SCN2A: variants seen among roughly 807,000 people sequenced by gnomAD.
SCN2A encodes the protein sodium channel protein type 2 subunit alpha.
A neutral mutation model predicts 188.7 loss-of-function variants in SCN2A; 20 were observed. That is an observed-to-expected ratio of 0.11 (90% CI 0.07 to 0.15). SCN2A has a LOEUF of 0.15. SCN2A is among the 10% of genes least tolerant of loss of function. SCN2A has a pLI of 1.00. For missense variants in SCN2A, 1,278 were observed against 2,445.0 expected (o/e 0.52, Z 10.07); for synonymous variants, 804 against 833.1 (o/e 0.97, Z 0.60).
intron 14 of SCN2A, among the ~76,000 whole-genome samples, chr2:165,334,251 A>C (rs1698855320): frequency 6.6e-6 from 1 of 151,762 alleles, no homozygotes; most frequent in African/African-American, 2.4e-5. Flanking sequence ...AGAGAAGGGA[A>C]TACTTCTCAC....
chr2:165,310,591 T>C lies in SCN2A; in HGVS notation c.966T>C (p.Asp322=), dbSNP rs748526712. The C allele has an allele frequency of 9.9e-6, 16 of 1,608,540 alleles. No homozygotes were observed. The South Asian group carries it at 1.8e-4, about 18-fold the overall frequency. The change falls in exon 7 of 27, where the codon GAT becomes GAC. Residue 322 remains aspartate (D), a synonymous_variant. Transcript: ENST00000375437. Reference sequence around the variant, plus strand: ...TTAACTGGGATGAATATATTGAGGATAAAAGTAAGATATACTCTATAAACC... The same window carrying C: ...TTAACTGGGATGAATATATTGAGGACAAAAGTAAGATATACTCTATAAACC... ...SIFNWDEYIE[D]KSHFYFLEGQ...
intron 1 of SCN2A, chr2:165,285,803 GGGCA>G (rs1301473176): frequency 6.1e-6 from 1 of 163,866 alleles, no homozygotes; most frequent in Non-Finnish European, 1.3e-5. Flanking sequence ...ATCCTGGTGT[GGGCA>G]GTAGGAGTGC....
In SCN2A at chr2:165,388,927, G is replaced by T; in HGVS notation, c.5121G>T (p.Leu1707=). The T allele has an allele frequency of 6.2e-7, 1 of 1,614,108 alleles. No homozygotes were observed. The stretch of plus-strand genomic sequence containing the variant: ...CCTTTGGCAACAGCATGATCTGCCT[G>T]TTCCAAATTACAACCTCTGCTGGCT... ...FETFGNSMIC[L]FQITTSAGWD... Residue 1707 remains leucine (L), a synonymous_variant, in exon 27 of 27, where the codon CTG becomes CTT. Transcript: ENST00000375437.
chr2:165,351,871 G>GTT (rs3030633), intron 16 of SCN2A, among the ~76,000 whole-genome samples: 28,390 of 135,694 alleles, frequency 0.21, 3,461 homozygotes, highest in East Asian at 0.34. Context: ...AGCTGTGCTT[G>GTT]TTTTTTTTTT....
chr2:165,262,149 CATGTGCAGA>C lies in SCN2A; in HGVS notation c.-52+22518_-52+22526del, dbSNP rs550777618. Reference sequence around the variant, plus strand: ...CACTTTTATTTTAAGTGAAGGGGCACATGTGCAGAATGTGCAGGTTTGTTACACAGGTAA... The same window carrying C: ...CACTTTTATTTTAAGTGAAGGGGCACATGTGCAGGTTTGTTACACAGGTAA... On this transcript the variant is annotated intron_variant, in intron 1 of 26. Coordinates refer to ENST00000375437, the MANE Select transcript of SCN2A (RefSeq NM_001040142.2). Among the ~76,000 whole-genome samples the C allele has an allele frequency of 1.2e-4, 18 of 151,934 alleles. No individual in the cohort carries two copies. The East Asian group carries it at 3.5e-3, about 29-fold the overall frequency.
At chr2:165,343,613 A>G (rs1699425142) in intron 15 of SCN2A, among the ~76,000 whole-genome samples, 1 of 152,182 alleles carries the variant, frequency 6.6e-6, no homozygotes, top group Non-Finnish European at 1.5e-5. Flanking sequence ...CTTTGATGCC[A>G]TTAAATAATG....
At chr2:165,363,119 A>G (rs1700546393) in intron 17 of SCN2A, among the ~76,000 whole-genome samples, 1 of 152,092 alleles carries the variant, frequency 6.6e-6, no homozygotes. Context: ...ACTTCTCCCA[A>G]TCACTGTCAA....
chr2:165,290,712 C>T (rs1696056243), intron 1 of SCN2A: 1 of 932,482 alleles, frequency 1.1e-6, no homozygotes, highest in Non-Finnish European at 1.3e-6. Flanking sequence ...TTGAAGTTGA[C>T]ACTCATCATA....
At chr2:165,247,130 G>T (rs1416235053) in intron 1 of SCN2A, among the ~76,000 whole-genome samples, 1 of 151,994 alleles carries the variant, frequency 6.6e-6, no homozygotes, top group African/African-American at 2.4e-5. Flanking sequence ...CTGTGCACTA[G>T]ATCCTATTCT....
chr2:165,377,657 C>A lies in SCN2A; in HGVS notation c.4308+7C>A. ...AGCTGTTGATTCACGAAATGTAAGT[C>A]TAGTTAGAGGGAAATTGTTTAGTTT... On this transcript the variant is annotated splice_region_variant and intron_variant, in intron 23 of 26. Transcript: ENST00000375437. 1 of 1,599,914 alleles carries A rather than the reference C, an allele frequency of 6.3e-7. No homozygotes were observed.
At chr2:165,294,040 A>AAAAATT (rs780674346) in intron 1 of SCN2A, 8 of 630,378 alleles carry the variant, frequency 1.3e-5, no homozygotes, top group African/African-American at 2.7e-5. Flanking sequence ...AAAAAAAAAG[A>AAAAATT]TTTTTTTTTT....
Position 165,299,056 on chromosome 2 carries a change from A to C in SCN2A, c.386+1921A>C, listed in dbSNP as rs1284046319. On this transcript the variant is annotated intron_variant, in intron 3 of 26. Coordinates refer to ENST00000375437, the MANE Select transcript of SCN2A (RefSeq NM_001040142.2). ...TTTACAAAAGCAGATTTTTGTTTTA[A>C]AACTTTTGTAATAGACCATGGAAAA... Among the ~76,000 whole-genome samples, 3 of 152,170 alleles carry C rather than the reference A, an allele frequency of 2.0e-5. No individual in the cohort carries two copies. In the East Asian group the frequency reaches 5.8e-4, roughly 29 times the overall value.
chr2:165,262,977 A>G (rs940617905), intron 1 of SCN2A, among the ~76,000 whole-genome samples: 2 of 152,062 alleles, frequency 1.3e-5, no homozygotes, highest in Non-Finnish European at 2.9e-5. Flanking sequence ...TTTGATTTGC[A>G]TTTCCCTGAT....
chr2:165,254,307 T>G (rs1459720055), intron 1 of SCN2A, among the ~76,000 whole-genome samples: 1 of 151,736 alleles, frequency 6.6e-6, no homozygotes, highest in East Asian at 1.9e-4. Context: ...GATCTTATTT[T>G]GGGGCATTAT....
chr2:165,372,059 C>G (rs1453320262), intron 20 of SCN2A: 1 of 152,174 alleles, frequency 6.6e-6, no homozygotes, highest in East Asian at 1.9e-4. Flanking sequence ...ATGCTTATCT[C>G]TTTTTGGTTC....
At chr2:165,364,538 C>T (rs1700626921) in intron 17 of SCN2A, among the ~76,000 whole-genome samples, 1 of 152,170 alleles carries the variant, frequency 6.6e-6, no homozygotes, top group South Asian at 2.1e-4. Context: ...CACAGGAGTG[C>T]ATTGGCCAAA....
chr2:165,291,336 G>A lies in SCN2A; in HGVS notation c.-51-4437G>A, dbSNP rs548229305. On this transcript the variant is annotated intron_variant, in intron 1 of 26. Coordinates refer to ENST00000375437, the MANE Select transcript of SCN2A (RefSeq NM_001040142.2). Reference sequence around the variant, plus strand: ...TGGGATTACAGGCATGAGCCACCGGGACTTGTCTGTCGTTCGTTCCTTCCT... The same window carrying A: ...TGGGATTACAGGCATGAGCCACCGGAACTTGTCTGTCGTTCGTTCCTTCCT... Among the ~76,000 whole-genome samples, 20 of 149,572 alleles carry A rather than the reference G, an allele frequency of 1.3e-4. 1 individual carries two copies. The South Asian group carries it at 4.3e-3, about 32-fold the overall frequency.
intron 3 of SCN2A, among the ~76,000 whole-genome samples, chr2:165,302,768 G>A (rs1485031412): frequency 1.3e-5 from 2 of 152,126 alleles, no homozygotes; most frequent in East Asian, 3.9e-4. Context: ...CTCGCTCCAC[G>A]GAGACAGGGG....
At chr2:165,329,744 T>C (rs1272966064) in intron 13 of SCN2A, among the ~76,000 whole-genome samples, 1 of 152,180 alleles carries the variant, frequency 6.6e-6, no homozygotes, top group Non-Finnish European at 1.5e-5. Flanking sequence ...CTGTAAATAA[T>C]AATACCTCCT....
Sources: gnomAD v4.1 joint callset for allele counts (sites outside exome capture counted in the v4.1 genomes callset) on GRCh38, gnomAD v4.1.1 for gene constraint, MANE v1.5 for transcripts, NCBI Gene and HGNC (gene_info 2026-07-23, HGNC 2026-07-21) for gene names.